Variants in PTPRM observed in about 807,000 individuals in gnomAD.
The protein encoded by PTPRM is receptor-type tyrosine-protein phosphatase mu.
In PTPRM, 47 loss-of-function variants were observed where a neutral mutation model predicts 186.7. That is an observed-to-expected ratio of 0.25 (90% CI 0.20 to 0.32). The LOEUF (loss-of-function observed/expected upper bound fraction) is 0.32, where lower values mean the gene tolerates loss of function less well. Ranked by LOEUF, PTPRM falls within the 10% of genes least tolerant of loss-of-function variation. The pLI, the probability that PTPRM is intolerant of heterozygous loss-of-function variation, is 1.00. For missense variants in PTPRM, 1,494 were observed against 1,865.0 expected, an observed-to-expected ratio of 0.80 and a Z score of 3.66; for synonymous variants, 668 against 674.9, an observed-to-expected ratio of 0.99 and a Z score of 0.16.
At chr18:7,915,904 T>TA (rs2050527664) in intron 4 of PTPRM, among the ~76,000 whole-genome samples, 1 of 152,206 alleles carries the variant, frequency 6.6e-6, no homozygotes, top group South Asian at 2.1e-4. Context: ...CTTTAATATT[T>TA]ACTGAAAAAA....
chr18:8,207,486 T>C (rs757248994), intron 14 of PTPRM, among the ~76,000 whole-genome samples: 8 of 152,184 alleles, frequency 5.3e-5, no homozygotes, highest in Non-Finnish European at 1.2e-4. Flanking sequence ...ATGGTGCACA[T>C]TTCATTAAGT....
chr18:7,877,462 G>C (rs2048302853), intron 2 of PTPRM, among the ~76,000 whole-genome samples: 1 of 152,134 alleles, frequency 6.6e-6, no homozygotes, highest in Admixed American at 6.5e-5. Context: ...TAAGAACTCT[G>C]TTATCTTGTC....
intron 15 of PTPRM, among the ~76,000 whole-genome samples, chr18:8,244,911 A>G (rs1160625648): frequency 6.6e-6 from 1 of 152,174 alleles, no homozygotes; most frequent in African/African-American, 2.4e-5. Context: ...GGTGAGTTCA[A>G]GGTCGGGGGT....
At chr18:8,000,904 T>C (rs1319299346) in intron 7 of PTPRM, among the ~76,000 whole-genome samples, 3 of 152,212 alleles carry the variant, frequency 2.0e-5, no homozygotes, top group Non-Finnish European at 4.4e-5. Flanking sequence ...GGCACTTGAA[T>C]AAACTACTCA....
At chr18:8,387,565 C>G (rs1400475271) in intron 31 of PTPRM, among the ~76,000 whole-genome samples, 1 of 151,542 alleles carries the variant, frequency 6.6e-6, no homozygotes, top group East Asian at 1.9e-4. Context: ...ATTTTCTGAG[C>G]TGGGTCTTCA....
chr18:8,322,695 G>A (rs1288615671), intron 22 of PTPRM, among the ~76,000 whole-genome samples: 2 of 152,172 alleles, frequency 1.3e-5, no homozygotes, highest in Non-Finnish European at 2.9e-5. Context: ...CAATCAAAAT[G>A]CAACCTTGGA....
At chr18:8,070,536 T>C (rs914090523) in intron 8 of PTPRM, among the ~76,000 whole-genome samples, 3 of 152,194 alleles carry the variant, frequency 2.0e-5, no homozygotes, top group African/African-American at 7.2e-5. Context: ...AACCGGATGT[T>C]ACTTTAATAA....
chr18:7,856,625 TC>T (rs1025607758), intron 2 of PTPRM, among the ~76,000 whole-genome samples: 2 of 151,556 alleles, frequency 1.3e-5, no homozygotes, highest in Non-Finnish European at 2.9e-5. Context: ...ATGTCTATGG[TC>T]CCACCTACTC....
intron 1 of PTPRM, among the ~76,000 whole-genome samples, chr18:7,620,760 A>G (rs2037918330): frequency 6.6e-6 from 1 of 152,124 alleles, no homozygotes; most frequent in South Asian, 2.1e-4. Flanking sequence ...CTCTCATTCC[A>G]AGATGTACAC....
intron 1 of PTPRM, among the ~76,000 whole-genome samples, chr18:7,737,339 C>G (rs952488682): frequency 6.6e-6 from 1 of 152,170 alleles, no homozygotes; most frequent in Non-Finnish European, 1.5e-5. Context: ...CCGTGATCCA[C>G]CTGCCTCGGC....
intron 1 of PTPRM, among the ~76,000 whole-genome samples, chr18:7,722,292 G>A (rs144136046): frequency 2.2e-4 from 33 of 152,244 alleles, no homozygotes; most frequent in Non-Finnish European, 3.1e-4. Context: ...TGAGCAATAA[G>A]CATTTAAGGT....
intron 19 of PTPRM, among the ~76,000 whole-genome samples, chr18:8,281,879 C>G (rs2094907556): frequency 6.6e-6 from 1 of 151,958 alleles, no homozygotes; most frequent in Non-Finnish European, 1.5e-5. Context: ...TTTTTCAGGA[C>G]CCAAGGCTTG....
intron 14 of PTPRM, among the ~76,000 whole-genome samples, chr18:8,237,231 G>A (rs560938420): frequency 2.6e-5 from 4 of 152,100 alleles, no homozygotes; most frequent in African/African-American, 9.6e-5. Flanking sequence ...CTTTGTTGCT[G>A]TTATTATTTT....
intron 14 of PTPRM, among the ~76,000 whole-genome samples, chr18:8,164,670 G>A (rs146019751): frequency 1.1e-4 from 17 of 152,130 alleles, no homozygotes; most frequent in African/African-American, 4.8e-5. Flanking sequence ...ACAGAAAGTA[G>A]TATGGTAGCT....
chr18:8,373,841 C>T (rs1176012974), intron 24 of PTPRM, among the ~76,000 whole-genome samples: 7 of 150,546 alleles, frequency 4.6e-5, no homozygotes, highest in South Asian at 2.1e-4. Context: ...CCCATGATTG[C>T]GCCATTGCAC....
intron 2 of PTPRM, among the ~76,000 whole-genome samples, chr18:7,819,776 C>A (rs920997325): frequency 6.6e-6 from 1 of 152,124 alleles, no homozygotes; most frequent in Non-Finnish European, 1.5e-5. Flanking sequence ...ACCCCACAGC[C>A]TGTCTGTCTG....
chr18:8,012,056 A>G (rs1326832916), intron 7 of PTPRM, among the ~76,000 whole-genome samples: 1 of 152,024 alleles, frequency 6.6e-6, no homozygotes, highest in Non-Finnish European at 1.5e-5. Flanking sequence ...GTTTCTGGTT[A>G]CTCTCTAGTG....
chr18:8,167,341 T>G (rs2093338527), intron 14 of PTPRM, among the ~76,000 whole-genome samples: 1 of 152,206 alleles, frequency 6.6e-6, no homozygotes, highest in African/African-American at 2.4e-5. Context: ...AGCCTGTTGT[T>G]GCTTTGTGTA....
At chr18:8,181,546 G>A (rs918485946) in intron 14 of PTPRM, among the ~76,000 whole-genome samples, 5 of 152,186 alleles carry the variant, frequency 3.3e-5, no homozygotes, top group East Asian at 1.9e-4. Context: ...CAGACTCCAC[G>A]GACCAAACAA....
Sources: gnomAD v4.1 joint callset for allele counts (sites outside exome capture counted in the v4.1 genomes callset) on GRCh38, gnomAD v4.1.1 for gene constraint, MANE v1.5 for transcripts, NCBI Gene and HGNC (gene_info 2026-07-23, HGNC 2026-07-21) for gene names.